Variants in PCDHGA5 observed in about 807,000 individuals in gnomAD.
The protein encoded by PCDHGA5 is protocadherin gamma-A5.
In PCDHGA5, 36 loss-of-function variants were observed where a neutral mutation model predicts 56.7. That is an observed-to-expected ratio of 0.64 (90% CI 0.49 to 0.84). The LOEUF (loss-of-function observed/expected upper bound fraction) is 0.84. Among genes scored for constraint, PCDHGA5 ranks in the 40% least tolerant of loss-of-function variants. PCDHGA5 has a pLI of 0.00. For synonymous variants in PCDHGA5, 563 were observed against 520.2 expected, an observed-to-expected ratio of 1.08 and a Z score of -1.12; for missense variants, 1,305 against 1,201.5, an observed-to-expected ratio of 1.09 and a Z score of -1.27.
chr5:141,398,936 A>G (rs1377976758), intron 1 of PCDHGA5: 2 of 1,613,962 alleles, frequency 1.2e-6, no homozygotes, highest in South Asian at 2.2e-5. Context: ...ACTGACCAAG[A>G]CGAGGGCATC....
chr5:141,460,924 A>ATATATG (rs1561985817), intron 1 of PCDHGA5, among the ~76,000 whole-genome samples: 1 of 150,496 alleles, frequency 6.6e-6, no homozygotes, highest in African/African-American at 2.4e-5. Flanking sequence ...ATATATATAT[A>ATATATG]TGTGTGTGTG....
At chr5:141,419,527 C>T (rs755936657) in intron 1 of PCDHGA5, 4 of 1,612,064 alleles carry the variant, frequency 2.5e-6, no homozygotes, top group Non-Finnish European at 2.5e-6. Context: ...GCGACCGTAA[C>T]GACAACGCAC....
intron 1 of PCDHGA5, among the ~76,000 whole-genome samples, chr5:141,373,222 G>C (rs899880588): frequency 6.6e-6 from 1 of 152,116 alleles, no homozygotes; most frequent in African/African-American, 2.4e-5. Context: ...AATGTAACCT[G>C]TATATAATAT....
At chr5:141,374,080 A>T in intron 1 of PCDHGA5, 1 of 1,520,068 alleles carries the variant, frequency 6.6e-7, no homozygotes. Context: ...CTAATAAGCC[A>T]GTAATGGCGC....
chr5:141,504,379 G>T (rs181617363), intron 2 of PCDHGA5, among the ~76,000 whole-genome samples: 1 of 152,088 alleles, frequency 6.6e-6, no homozygotes, highest in African/African-American at 2.4e-5. Context: ...AGGTGGAGTC[G>T]CTGCCTCACA....
chr5:141,413,682 C>G, intron 1 of PCDHGA5: 1 of 1,613,798 alleles, frequency 6.2e-7, no homozygotes, highest in South Asian at 1.1e-5. Context: ...TGGGCGTGAA[C>G]TCCCTGCAGA....
At chr5:141,500,436 C>G (rs1318326111) in intron 2 of PCDHGA5, among the ~76,000 whole-genome samples, 2 of 151,836 alleles carry the variant, frequency 1.3e-5, no homozygotes, top group African/African-American at 2.4e-5. Flanking sequence ...GTCTCGATCT[C>G]CTGACCTCGT....
At chr5:141,366,879 T>G (rs78336776) in intron 1 of PCDHGA5, 128 bp downstream of exon 1, 22 of 1,324,822 alleles carry the variant, frequency 1.7e-5, no homozygotes, top group Admixed American at 2.5e-5. Context: ...TGGAGATTAA[T>G]TTTTTTTATA....
At chr5:141,383,471 A>G in intron 1 of PCDHGA5, 1 of 1,613,632 alleles carries the variant, frequency 6.2e-7, no homozygotes, top group South Asian at 1.1e-5. Flanking sequence ...GAAACTAAGT[A>G]CCCGGAACTG....
rs868008554 is a variant in PCDHGA5, at chr5:141,431,417, C to T, written c.2422-63390C>T. 1 of 1,613,666 alleles carries T rather than the reference C, an allele frequency of 6.2e-7. No homozygotes were observed. Among genetic ancestry groups the T allele is most frequent in the South Asian group, 1.1e-5 (1 of 91,082 alleles). ...CCTTACGGCCTCCGACGGGGGCGAC[C>T]CGGTGCGCACAGGCACCGCGCGCAT... On this transcript the variant is annotated intron_variant, in intron 1 of 3. Transcript: ENST00000518069. This position sits in a 1 kb window ranked among gnomAD's most constrained non-coding sequence, Gnocchi z 4.8.
At chr5:141,433,391 CTA>C (rs1477426085) in intron 1 of PCDHGA5, among the ~76,000 whole-genome samples, 3 of 151,570 alleles carry the variant, frequency 2.0e-5, no homozygotes, top group African/African-American at 7.3e-5. Context: ...ATCTATCTAT[CTA>C]TCTATCTATC....
intron 1 of PCDHGA5, among the ~76,000 whole-genome samples, chr5:141,434,860 A>G (rs2097723622): frequency 6.6e-6 from 1 of 151,982 alleles, no homozygotes; most frequent in African/African-American, 2.4e-5. Flanking sequence ...ATAAATTTAT[A>G]TATATGTGAC....
In PCDHGA5 at chr5:141,511,580, G is replaced by A. The variant is rs1436011320; in HGVS notation, c.*407G>A. ...CTCTTTCCCGAGTAAGGTGGTTGGG[G>A]TGTTGAAGTACCAAGTAACCTACAA... On this transcript the variant is annotated 3_prime_UTR_variant, in exon 4 of 4. Coordinates refer to ENST00000518069, the MANE Select transcript of PCDHGA5 (RefSeq NM_018918.3). 2 of 282,206 alleles carry A rather than the reference G, an allele frequency of 7.1e-6. No individual in the cohort carries two copies. Among genetic ancestry groups the A allele is most frequent in the Admixed American group, 4.6e-5 (1 of 21,516 alleles). The allele number at this position is 282,206 out of a possible 1,614,324, so 17.5% of individuals were successfully genotyped here.
rs144113016 is a variant in PCDHGA5 at position 141,428,135 on chromosome 5, G to T, written c.2421+61384G>T. On this transcript the variant is annotated intron_variant, in intron 1 of 3. Coordinates refer to ENST00000518069, the MANE Select transcript of PCDHGA5 (RefSeq NM_018918.3). Reference sequence around the variant, plus strand: ...CCATCGAGCCCGGGCTTTTCAGCCTGGGGCTGCACACGGGAACCTGCTGGT... The same window carrying T: ...CCATCGAGCCCGGGCTTTTCAGCCTTGGGCTGCACACGGGAACCTGCTGGT... 347 of 1,601,046 alleles carry T rather than the reference G, an allele frequency of 2.2e-4. No homozygotes were observed. The African/African-American group carries it at 3.9e-3, about 18-fold the overall frequency.
chr5:141,432,250 A>T lies in PCDHGA5; in HGVS notation c.2422-62557A>T. ...ATTCCCTGGCTGAGAACACCATCCA[A>T]GGGGCAAGCCTATCGTCCTACGTGT... is the stretch of plus-strand genomic sequence containing the variant. On this transcript the variant is annotated intron_variant, in intron 1 of 3. Transcript: ENST00000518069. This position sits in a 1 kb window ranked among gnomAD's most constrained non-coding sequence, Gnocchi z 6.0. 1 of 1,614,234 alleles carries T rather than the reference A, an allele frequency of 6.2e-7. No homozygotes were observed. Among genetic ancestry groups the T allele is most frequent in the Non-Finnish European group, 8.5e-7 (1 of 1,180,054 alleles).
At position 141,415,266 on chromosome 5, in the gene PCDHGA5, G is replaced by C. The variant is rs371754316; in HGVS notation, c.2421+48515G>C. 49 of 1,614,100 alleles carry C rather than the reference G, an allele frequency of 3.0e-5. No individual in the cohort carries two copies. The African/African-American group carries it at 6.4e-4, about 21-fold the overall frequency. On this transcript the variant is annotated intron_variant, in intron 1 of 3. Transcript: ENST00000518069. ...AAACCTCAGACCTCACTCTGTACCT[G>C]GTGGTAGCGGTGGCCGCGGTCTCCT...
chr5:141,419,569 C>T (rs1200109635), intron 1 of PCDHGA5: 3 of 1,611,654 alleles, frequency 1.9e-6, no homozygotes, highest in East Asian at 2.2e-5. Context: ...TGGGTCCCGA[C>T]GGCTCCGCGC....
chr5:141,474,986 A>G (rs1328341214), intron 1 of PCDHGA5, among the ~76,000 whole-genome samples: 1 of 152,238 alleles, frequency 6.6e-6, no homozygotes, highest in Non-Finnish European at 1.5e-5. Context: ...GTTTGGTGAC[A>G]ACAATTCTAA....
At chr5:141,392,694 CCT>C in intron 1 of PCDHGA5, 4 of 1,186,390 alleles carry the variant, frequency 3.4e-6, no homozygotes, top group Non-Finnish European at 4.6e-6. Flanking sequence ...AAACCCGACC[CCT>C]GTTTGGAGGC....
Sources: allele counts gnomAD v4.1 joint callset (sites outside exome capture counted in the v4.1 genomes callset), GRCh38; gene constraint gnomAD v4.1.1; non-coding constraint Gnocchi (gnomAD v3.1); transcripts MANE v1.5; gene names NCBI Gene and HGNC (gene_info 2026-07-23, HGNC 2026-07-21).